The following SYNPR variants were observed in gnomAD, a reference collection of about 807,000 sequenced individuals.
SYNPR encodes the protein synaptoporin.
Under a neutral mutation model 32.9 loss-of-function variants are expected in SYNPR, and 23 were observed. The observed-to-expected ratio is 0.70, with a 90% CI of 0.50 to 0.99. SYNPR has a LOEUF of 0.99. Among genes scored for constraint, SYNPR ranks in the 50% least tolerant of loss-of-function variants. The pLI is 0.00. For synonymous variants in SYNPR, 146 were observed against 135.9 expected (o/e 1.07, Z -0.52); for missense variants, 318 against 349.3 (o/e 0.91, Z 0.71).
Position 63,600,480 on chromosome 3 carries a change from C to G in SYNPR, c.409-8645C>G, listed in dbSNP as rs573790070. ...CCACATCTCACTTTCTGCAAGGTAT[C>G]CTCAAACTCAGGTTTATGCTTAATA... is the stretch of plus-strand genomic sequence containing the variant. On this transcript the variant is annotated intron_variant, in intron 4 of 5. Coordinates refer to ENST00000478300, the MANE Select transcript of SYNPR (RefSeq NM_001130003.2). Among the ~76,000 whole-genome samples the G allele has an allele frequency of 2.0e-5, 3 of 152,240 alleles. No homozygotes were observed. In the South Asian group the frequency reaches 6.2e-4, roughly 32 times the overall value.
At chr3:63,528,603 T>C (rs183319247) in intron 3 of SYNPR, among the ~76,000 whole-genome samples, 1 of 152,136 alleles carries the variant, frequency 6.6e-6, no homozygotes, top group Admixed American at 6.6e-5. Flanking sequence ...TCACACTTAC[T>C]ATTCTTCCAG....
chr3:63,608,353 G>A (rs756911504), intron 4 of SYNPR, among the ~76,000 whole-genome samples: 7 of 152,128 alleles, frequency 4.6e-5, no homozygotes, highest in Non-Finnish European at 8.8e-5. Flanking sequence ...TTCTGGCTCT[G>A]CAACTTTCTA....
At position 63,500,001 on chromosome 3, in the gene SYNPR, A is replaced by T. The variant is rs566326583; in HGVS notation, c.209+19045A>T. ...TTTGCCATTGGGATTAAATTTTTTT[A>T]AAATTAAACAAAAAATATGCAACTT... On this transcript the variant is annotated intron_variant, in intron 3 of 5. Coordinates refer to ENST00000478300, the MANE Select transcript of SYNPR (RefSeq NM_001130003.2). 1.3e-3 allele frequency among the ~76,000 whole-genome samples: 194 copies of T among 152,294 alleles called. 1 individual carries two copies. The highest frequency in any genetic ancestry group is 4.1e-3 in the African/African-American group (171 of 41,578).
rs758540937 is a variant in SYNPR at position 63,414,023 on chromosome 3, T to TAG, written c.85-66795_85-66794dup. On this transcript the variant is annotated intron_variant, in intron 2 of 5. Transcript: ENST00000478300. The stretch of plus-strand genomic sequence containing the variant: ...AAATATATATACATATATATATATA[T>TAG]AGAGAGAGAGAGAGACAGAGAGGGA... 6.3e-4 allele frequency among the ~76,000 whole-genome samples: 92 copies of TAG among 145,480 alleles called. 1 individual carries two copies. The East Asian group carries it at 8.9e-3, about 14-fold the overall frequency.
intron 4 of SYNPR, among the ~76,000 whole-genome samples, chr3:63,581,385 C>T (rs577882475): frequency 1.1e-5 from 1 of 93,584 alleles, no homozygotes; most frequent in African/African-American, 3.3e-5. Flanking sequence ...CCTGCTCATT[C>T]CAAATCAGTA....
At chr3:63,260,572 A>G (rs2086429600) in intron 2 of SYNPR, among the ~76,000 whole-genome samples, 2 of 152,262 alleles carry the variant, frequency 1.3e-5, no homozygotes, top group Non-Finnish European at 2.9e-5. Context: ...AAAGTAATTC[A>G]AGATGGATTA....
intron 4 of SYNPR, among the ~76,000 whole-genome samples, chr3:63,593,888 T>C (rs1177293703): frequency 6.6e-6 from 1 of 152,020 alleles, no homozygotes; most frequent in Non-Finnish European, 1.5e-5. Context: ...CCTTGGCTGG[T>C]CTCCCCCACT....
chr3:63,389,049 CAAGAGT>C (rs1041206272), intron 2 of SYNPR, among the ~76,000 whole-genome samples: 3 of 151,990 alleles, frequency 2.0e-5, no homozygotes, highest in African/African-American at 7.3e-5. Flanking sequence ...TTTTGATCAG[CAAGAGT>C]AAAAGTAGTG....
chr3:63,598,198 A>G (rs536811540), intron 4 of SYNPR, among the ~76,000 whole-genome samples: 2 of 152,326 alleles, frequency 1.3e-5, no homozygotes, highest in African/African-American at 4.8e-5. Flanking sequence ...TTTATTTTTT[A>G]TCAATATCCA....
chr3:63,475,875 C>A (rs1478077089), intron 2 of SYNPR, among the ~76,000 whole-genome samples: 1 of 151,972 alleles, frequency 6.6e-6, no homozygotes, highest in Non-Finnish European at 1.5e-5. Flanking sequence ...CTTAGTTTTG[C>A]AGAACTGAGC....
At chr3:63,284,964 T>C (rs1458121910) in intron 2 of SYNPR, among the ~76,000 whole-genome samples, 2 of 152,204 alleles carry the variant, frequency 1.3e-5, no homozygotes, top group African/African-American at 4.8e-5. Context: ...AGGGACAAAA[T>C]TGAGGGAAAT....
At chr3:63,421,416 A>C (rs1428115132) in intron 2 of SYNPR, among the ~76,000 whole-genome samples, 2 of 151,762 alleles carry the variant, frequency 1.3e-5, no homozygotes, top group African/African-American at 4.8e-5. Flanking sequence ...TGAAAAAAAA[A>C]ACCTAAGCTC....
chr3:63,470,934 C>A (rs1174668750), intron 2 of SYNPR, among the ~76,000 whole-genome samples: 1 of 152,180 alleles, frequency 6.6e-6, no homozygotes, highest in Non-Finnish European at 1.5e-5. Flanking sequence ...GTAGGTCAGA[C>A]TTTCTGTTAT....
chr3:63,612,733 A>G (rs570303117), intron 5 of SYNPR, among the ~76,000 whole-genome samples: 2 of 152,292 alleles, frequency 1.3e-5, no homozygotes, highest in Non-Finnish European at 2.9e-5. Flanking sequence ...TTTAAGTAGC[A>G]TTTCCTTGAT....
At chr3:63,359,829 A>T (rs1473525300) in intron 2 of SYNPR, among the ~76,000 whole-genome samples, 2 of 152,210 alleles carry the variant, frequency 1.3e-5, no homozygotes, top group Non-Finnish European at 2.9e-5. Flanking sequence ...AATAACATTC[A>T]TTAGTGTCTT....
intron 4 of SYNPR, among the ~76,000 whole-genome samples, chr3:63,596,299 T>A (rs1200215244): frequency 1.4e-5 from 1 of 71,138 alleles, no homozygotes; most frequent in African/African-American, 5.6e-5. Flanking sequence ...TTCCCCCTCC[T>A]CCCCCTTCTC....
intron 3 of SYNPR, among the ~76,000 whole-genome samples, chr3:63,518,877 A>G (rs369276583): frequency 6.6e-6 from 1 of 152,314 alleles, no homozygotes; most frequent in East Asian, 1.9e-4. Context: ...ACATGCACGC[A>G]TATGTTCATC....
the SYNPR span, among the ~76,000 whole-genome samples, chr3:63,201,022 G>A: frequency 6.6e-6 from 1 of 152,132 alleles, no homozygotes; most frequent in African/African-American, 2.4e-5. Context: ...ACCTGGAAAT[G>A]TATTTTGTAT....
chr3:63,460,622 T>C (rs1055258370), intron 2 of SYNPR, among the ~76,000 whole-genome samples: 1 of 147,108 alleles, frequency 6.8e-6, no homozygotes, highest in African/African-American at 2.5e-5. Flanking sequence ...AAGGCAATAT[T>C]GCAAGTAATT....
Sources: allele counts gnomAD v4.1 joint callset (sites outside exome capture counted in the v4.1 genomes callset), GRCh38; gene constraint gnomAD v4.1.1; transcripts MANE v1.5; gene names NCBI Gene and HGNC (gene_info 2026-07-23, HGNC 2026-07-21).